The following C2orf66 variants were observed in gnomAD, a reference collection of about 807,000 sequenced individuals.
C2orf66 encodes the protein uncharacterized protein C2orf66.
C2orf66 carries 6 observed loss-of-function variants against 7.0 expected under a neutral mutation model. That is an observed-to-expected ratio of 0.86 (90% CI 0.47 to 1.69). The LOEUF (loss-of-function observed/expected upper bound fraction) is 1.69. Among genes scored for constraint, C2orf66 ranks in the 40% most tolerant of loss-of-function variants. The pLI is 0.01. For missense variants in C2orf66, 107 were observed against 112.0 expected, an observed-to-expected ratio of 0.96 and a Z score of 0.20; for synonymous variants, 38 against 43.8, an observed-to-expected ratio of 0.87 and a Z score of 0.52.
chr2:196,810,201 AAAGTGATTTTCTCCTTTTTTACTTTT>A (rs1699861491), upstream of C2orf66: 1 of 152,230 alleles, frequency 6.6e-6, no homozygotes, highest in African/African-American at 2.4e-5. Context: ...TCCACACAGC[AAAGTGATTTTCTCCTTTTTTACTTTT>A]AAGGGAAGGG....
chr2:196,806,783 G>A (rs1699824829), intron 2 of C2orf66, among the ~76,000 whole-genome samples: 1 of 151,996 alleles, frequency 6.6e-6, no homozygotes, highest in South Asian at 2.1e-4. Flanking sequence ...TTGAACCCAG[G>A]AGGTGGAGGG....
At chr2:196,812,687 T>C (rs1026280627), upstream of C2orf66, among the ~76,000 whole-genome samples, 18 of 152,178 alleles carry the variant, frequency 1.2e-4, no homozygotes, top group Admixed American at 2.6e-4. Flanking sequence ...GAAAACCCCA[T>C]TGTCTCAGCC....
the C2orf66 span, among the ~76,000 whole-genome samples, chr2:196,825,671 A>C: frequency 6.6e-6 from 1 of 152,242 alleles, no homozygotes; most frequent in Admixed American, 6.5e-5. Flanking sequence ...GAGGGTGTGT[A>C]CATTCTAAGT....
upstream of C2orf66, chr2:196,809,629 T>C (rs1699855437): frequency 6.2e-6 from 2 of 323,978 alleles, no homozygotes; most frequent in African/African-American, 4.3e-5. Context: ...ATATGCCTTT[T>C]TCATCTTTGG....
At chr2:196,827,367 A>G in the C2orf66 span, among the ~76,000 whole-genome samples, 4 of 152,178 alleles carry the variant, frequency 2.6e-5, no homozygotes, top group Non-Finnish European at 4.4e-5. Flanking sequence ...AAATGCAACT[A>G]TATGACAAAC....
At chr2:196,809,744 A>AG (rs1699856505), upstream of C2orf66, 1 of 164,444 alleles carries the variant, frequency 6.1e-6, no homozygotes, top group Non-Finnish European at 1.3e-5. Flanking sequence ...TTTAAAAAAA[A>AG]GAAAAGAAAA....
upstream of C2orf66, among the ~76,000 whole-genome samples, chr2:196,812,981 A>G (rs544207491): frequency 3.3e-5 from 5 of 152,350 alleles, no homozygotes; most frequent in South Asian, 6.2e-4. Context: ...GGAAGAATCA[A>G]TATAGTGAAA....
the C2orf66 span, among the ~76,000 whole-genome samples, chr2:196,817,334 A>G: frequency 1.4e-5 from 2 of 145,530 alleles, no homozygotes; most frequent in Non-Finnish European, 3.0e-5. Flanking sequence ...TCCTGGGTTC[A>G]TGCCATTCTC....
At chr2:196,823,286 A>G in the C2orf66 span, among the ~76,000 whole-genome samples, 2 of 152,176 alleles carry the variant, frequency 1.3e-5, no homozygotes, top group African/African-American at 4.8e-5. Context: ...AGGATTTAAT[A>G]GAAATTTGGA....
rs922208867 is a variant in C2orf66, at chr2:196,806,259, G to A, written c.*20-851C>T. 5.3e-5 allele frequency among the ~76,000 whole-genome samples: 8 copies of A among 152,060 alleles called. No homozygotes were observed. In the East Asian group the frequency reaches 7.8e-4, roughly 15 times the overall value. Reference sequence around the variant, plus strand: ...GTCACCCAGGCTGGAGTGCAGTGGCGTGCTCTCAGCTCACTGCAAGCTCCA... The same window carrying A: ...GTCACCCAGGCTGGAGTGCAGTGGCATGCTCTCAGCTCACTGCAAGCTCCA... On this transcript the variant is annotated intron_variant, in intron 2 of 2. Transcript: ENST00000342506.
upstream of C2orf66, among the ~76,000 whole-genome samples, chr2:196,812,886 T>C (rs979332964): frequency 3.9e-5 from 6 of 152,016 alleles, no homozygotes; most frequent in Non-Finnish European, 8.8e-5. Context: ...ATATGAAGGA[T>C]CTCTTCAAGG....
In C2orf66 at chr2:196,809,339, T is replaced by G; in HGVS notation, c.-3A>C. 1 of 1,613,860 alleles carries G rather than the reference T, an allele frequency of 6.2e-7. No homozygotes were observed. Among genetic ancestry groups the G allele is most frequent in the South Asian group, 1.1e-5 (1 of 91,028 alleles). On this transcript the variant is annotated 5_prime_UTR_variant, in exon 1 of 3. Transcript: ENST00000342506. ...AGCAGGAGAGGTGCTCTGGTCATGG[T>G]GGAGTGAAGCTGAGTGAAAGAGGGG... is the stretch of plus-strand genomic sequence containing the variant.
In C2orf66 at chr2:196,807,519, T is replaced by C; in HGVS notation, c.227A>G (p.Gln76Arg). Reference protein sequence around the residue: ...TNENPRPLSFQSELTASASAD... With the variant: ...TNENPRPLSFRSELTASASAD... ...AGATGCAGAAGCAGTAAGTTCTGAC[T>C]GGAAAGAGAGAGGTCTAGGATTTTC... The change falls in exon 2 of 3, where the codon CAG becomes CGG. Residue 76 changes from glutamine (Q) to arginine (R), a missense_variant. Gln to Arg is a conservative substitution (Grantham distance 43). Coordinates refer to ENST00000342506, the MANE Select transcript of C2orf66 (RefSeq NM_213608.3). 2 of 1,613,700 alleles carry C rather than the reference T, an allele frequency of 1.2e-6. No individual in the cohort carries two copies. The highest frequency in any genetic ancestry group is 1.7e-6 in the Non-Finnish European group (2 of 1,179,698).
At chr2:196,821,928 CTTTTTTTTTTTTTTTTT>C in the C2orf66 span, among the ~76,000 whole-genome samples, 9 of 32,278 alleles carry the variant, frequency 2.8e-4, no homozygotes, top group South Asian at 2.0e-3. Context: ...AACCAGTGAG[CTTTTTTTTTTTTTTTTT>C]TTTTTTTTTT....
chr2:196,807,764 T>C, intron 1 of C2orf66, 142 bp from the exon 2 acceptor site: 1 of 637,354 alleles, frequency 1.6e-6, no homozygotes, highest in South Asian at 1.9e-5. Flanking sequence ...GAAATACAAG[T>C]ACATGCTTCA....
chr2:196,818,143 T>A, the C2orf66 span, among the ~76,000 whole-genome samples: 1 of 152,200 alleles, frequency 6.6e-6, no homozygotes, highest in Non-Finnish European at 1.5e-5. Context: ...ACAATTTATG[T>A]TCCTCTGCTG....
the C2orf66 span, chr2:196,831,909 A>T: frequency 6.6e-6 from 1 of 152,074 alleles, no homozygotes; most frequent in Non-Finnish European, 1.5e-5. Context: ...CCCCTCCTCT[A>T]CATTCTGTTC....
At chr2:196,821,603 T>C in the C2orf66 span, among the ~76,000 whole-genome samples, 1 of 152,178 alleles carries the variant, frequency 6.6e-6, no homozygotes, top group African/African-American at 2.4e-5. Context: ...GAATATCTTT[T>C]TGATACAAAA....
At chr2:196,814,499 C>T in the C2orf66 span, among the ~76,000 whole-genome samples, 2 of 152,102 alleles carry the variant, frequency 1.3e-5, no homozygotes, top group African/African-American at 4.8e-5. Flanking sequence ...TGCAACAAAC[C>T]AACATGGCAT....
Sources: gnomAD v4.1 joint callset for allele counts (sites outside exome capture counted in the v4.1 genomes callset) on GRCh38, gnomAD v4.1.1 for gene constraint, MANE v1.5 for transcripts, NCBI Gene and HGNC (gene_info 2026-07-23, HGNC 2026-07-21) for gene names.